The following FARP1 variants were observed in gnomAD, a reference collection of about 807,000 sequenced individuals.
The protein encoded by FARP1 is FERM, ARHGEF and pleckstrin domain-containing protein 1.
Under a neutral mutation model 128.8 loss-of-function variants are expected in FARP1, and 52 were observed. That is an observed-to-expected ratio of 0.40 (90% CI 0.32 to 0.51). FARP1 has a LOEUF of 0.51. FARP1 is among the 20% of genes least tolerant of loss of function. FARP1 has a pLI of 0.45. For synonymous variants in FARP1, 580 were observed against 551.8 expected (o/e 1.05, Z -0.72); for missense variants, 1,333 against 1,367.9 (o/e 0.97, Z 0.40).
In FARP1 at chr13:98,424,790, G is replaced by A. The variant is rs536989679; in HGVS notation, c.1905+140G>A. On this transcript the variant is annotated intron_variant, in intron 17 of 26. Coordinates refer to ENST00000319562, the MANE Select transcript of FARP1 (RefSeq NM_005766.4). Reference sequence around the variant, plus strand: ...CTACACCAAGCTTGTCCAACCCACCGCCGAGCAGCAGCTTACAGCCCAGGA... The same window carrying A: ...CTACACCAAGCTTGTCCAACCCACCACCGAGCAGCAGCTTACAGCCCAGGA... 1.3e-4 allele frequency: 88 copies of A among 667,430 alleles called. 1 individual carries two copies. The highest frequency in any genetic ancestry group is 1.2e-3 in the South Asian group (70 of 59,604). 41.3% of individuals were successfully genotyped at this position (667,430 alleles called of 1,614,324 possible).
chr13:98,241,891 C>A (rs2139450687), intron 2 of FARP1, among the ~76,000 whole-genome samples: 2 of 152,198 alleles, frequency 1.3e-5, no homozygotes, highest in South Asian at 4.2e-4. Flanking sequence ...TGCACAACAG[C>A]CTGGGCGACA....
intron 2 of FARP1, chr13:98,332,860 G>A (rs1156645571): frequency 1.3e-5 from 2 of 152,230 alleles, no homozygotes; most frequent in East Asian, 3.8e-4. Flanking sequence ...AACCACAGGT[G>A]TCATTGGTGG....
chr13:98,249,514 G>A lies in FARP1; in HGVS notation c.171+36101G>A, dbSNP rs531675921. Among the ~76,000 whole-genome samples, 13 of 152,260 alleles carry A rather than the reference G, an allele frequency of 8.5e-5. No individual in the cohort carries two copies. The South Asian group carries it at 2.7e-3, about 32-fold the overall frequency. On this transcript the variant is annotated intron_variant, in intron 2 of 26. Coordinates refer to ENST00000319562, the MANE Select transcript of FARP1 (RefSeq NM_005766.4). ...AATACATCATTAAAAAGAACTTCTG[G>A]TCTGCTTACTGTTTTACTTTTTCCT...
chr13:98,190,226 GT>G (rs1222632230), intron 1 of FARP1, among the ~76,000 whole-genome samples: 1 of 152,086 alleles, frequency 6.6e-6, no homozygotes, highest in African/African-American at 2.4e-5. Flanking sequence ...TTTCTACAAG[GT>G]TTTTTTGCAT....
intron 16 of FARP1, among the ~76,000 whole-genome samples, chr13:98,416,009 T>C (rs1891362410): frequency 6.6e-6 from 1 of 152,260 alleles, no homozygotes; most frequent in South Asian, 2.1e-4. Context: ...CTTAGTATAC[T>C]GCGCTGCGCA....
At chr13:98,444,033 C>T (rs1257284828) in intron 24 of FARP1, among the ~76,000 whole-genome samples, 1 of 152,042 alleles carries the variant, frequency 6.6e-6, no homozygotes, top group East Asian at 1.9e-4. Flanking sequence ...AAGCTGCTGG[C>T]AGGTGGGTTC....
At chr13:98,352,313 G>T (rs1361759930) in intron 3 of FARP1, among the ~76,000 whole-genome samples, 1 of 152,184 alleles carries the variant, frequency 6.6e-6, no homozygotes, top group Non-Finnish European at 1.5e-5. Flanking sequence ...GAAATCACAG[G>T]GAAATGGTTT....
At chr13:98,150,594 A>G (rs1355894759) in intron 1 of FARP1, among the ~76,000 whole-genome samples, 1 of 152,202 alleles carries the variant, frequency 6.6e-6, no homozygotes, top group Non-Finnish European at 1.5e-5. Context: ...TATTGAACTT[A>G]TTTAACGTCA....
chr13:98,303,465 G>A (rs557209698), intron 2 of FARP1, among the ~76,000 whole-genome samples: 1 of 152,296 alleles, frequency 6.6e-6, no homozygotes, highest in Admixed American at 6.5e-5. Flanking sequence ...CGAGGGTTGA[G>A]AACCTACAAA....
intron 1 of FARP1, among the ~76,000 whole-genome samples, chr13:98,210,558 C>T (rs9517216): frequency 0.66 from 80,857 of 121,728 alleles, 24,011 homozygotes; most frequent in Non-Finnish European, 0.71. Context: ...TCTATCTTTT[C>T]TTTTTTTTTG....
At chr13:98,195,166 A>C (rs1879491691) in intron 1 of FARP1, among the ~76,000 whole-genome samples, 1 of 152,200 alleles carries the variant, frequency 6.6e-6, no homozygotes, top group Non-Finnish European at 1.5e-5. Flanking sequence ...ACAGGAATAG[A>C]GACACTGTGC....
intron 1 of FARP1, among the ~76,000 whole-genome samples, chr13:98,185,475 G>C (rs1426627718): frequency 6.6e-6 from 1 of 152,130 alleles, no homozygotes; most frequent in Non-Finnish European, 1.5e-5. Context: ...CTCGTGATCA[G>C]AACACCCATA....
chr13:98,209,551 C>T (rs1253256632), intron 1 of FARP1, among the ~76,000 whole-genome samples: 1 of 135,730 alleles, frequency 7.4e-6, no homozygotes, highest in Non-Finnish European at 1.6e-5. Flanking sequence ...AATCCCAGCA[C>T]TTTGGGAGGC....
chr13:98,367,549 C>G (rs1383706351), intron 4 of FARP1, among the ~76,000 whole-genome samples: 1 of 151,678 alleles, frequency 6.6e-6, no homozygotes, highest in Non-Finnish European at 1.5e-5. Flanking sequence ...CCTCCCCTCA[C>G]TCCCTATCTA....
intron 2 of FARP1, among the ~76,000 whole-genome samples, chr13:98,283,260 G>A (rs74108746): frequency 0.03 from 4,622 of 152,248 alleles, 230 homozygotes; most frequent in African/African-American, 0.11. Flanking sequence ...TCATTCTAAG[G>A]AGAAAACCAA....
intron 1 of FARP1, among the ~76,000 whole-genome samples, chr13:98,175,505 T>C (rs1877939886): frequency 8.1e-6 from 1 of 122,804 alleles, no homozygotes; most frequent in African/African-American, 2.8e-5. Flanking sequence ...TTTTCTGATA[T>C]CTCTTTTTAG....
intron 1 of FARP1, among the ~76,000 whole-genome samples, chr13:98,165,944 T>A (rs1877238529): frequency 6.6e-6 from 1 of 152,022 alleles, no homozygotes; most frequent in Non-Finnish European, 1.5e-5. Context: ...CGTCTCGACC[T>A]CCTGATCTCA....
intron 2 of FARP1, among the ~76,000 whole-genome samples, chr13:98,239,897 C>T (rs1207485409): frequency 6.6e-6 from 1 of 152,104 alleles, no homozygotes; most frequent in Non-Finnish European, 1.5e-5. Flanking sequence ...GTTTGCCTCC[C>T]AGCAGGTGAA....
At chr13:98,392,612 G>A (rs1347888988) in intron 11 of FARP1, among the ~76,000 whole-genome samples, 2 of 150,810 alleles carry the variant, frequency 1.3e-5, no homozygotes, top group East Asian at 3.9e-4. Context: ...CCTTTTTTTT[G>A]AGATCTGTTT....
Sources: gnomAD v4.1 joint callset for allele counts (sites outside exome capture counted in the v4.1 genomes callset) on GRCh38, gnomAD v4.1.1 for gene constraint, MANE v1.5 for transcripts, NCBI Gene and HGNC (gene_info 2026-07-23, HGNC 2026-07-21) for gene names.